The following REEP5 variants were observed in gnomAD, a reference collection of about 807,000 sequenced individuals.
REEP5 encodes receptor accessory protein 5.
A neutral mutation model predicts 22.4 loss-of-function variants in REEP5; 24 were observed. The observed-to-expected ratio is 1.07, with a 90% CI of 0.78 to 1.51. REEP5 has a LOEUF of 1.51. Ranked by LOEUF, REEP5 falls within the 40% of genes most tolerant of loss-of-function variation. The pLI, the probability that REEP5 is intolerant of heterozygous loss-of-function variation, is 0.00. For synonymous variants in REEP5, 103 were observed against 88.6 expected, an observed-to-expected ratio of 1.16 and a Z score of -0.92; for missense variants, 252 against 233.0, an observed-to-expected ratio of 1.08 and a Z score of -0.53.
intron 2 of REEP5, among the ~76,000 whole-genome samples, chr5:112,913,536 TAAAAAAAAAAAAAAAA>T: frequency 1.5e-5 from 1 of 65,470 alleles, no homozygotes; most frequent in South Asian, 6.6e-4. Context: ...TGACCCTGGC[TAAAAAAAAAAAAAAAA>T]AAAAAAAAAA....
intron 2 of REEP5, among the ~76,000 whole-genome samples, chr5:112,915,897 A>AG (rs1561660417): frequency 6.7e-6 from 1 of 149,828 alleles, no homozygotes. Flanking sequence ...AAAAAAAAAA[A>AG]CCCACAAGAA....
chr5:112,903,347 G>A (rs776287781), intron 2 of REEP5, among the ~76,000 whole-genome samples: 35 of 152,098 alleles, frequency 2.3e-4, no homozygotes, highest in Non-Finnish European at 4.7e-4. Context: ...CTATGAAACA[G>A]GTTAACTACT....
chr5:112,882,983 C>T (rs111721283), intron 4 of REEP5, among the ~76,000 whole-genome samples: 10 of 152,302 alleles, frequency 6.6e-5, no homozygotes, highest in Admixed American at 5.2e-4. Flanking sequence ...TCCAGCTCTT[C>T]GACCAATCCC....
intron 2 of REEP5, among the ~76,000 whole-genome samples, chr5:112,909,541 G>A (rs1015356982): frequency 6.6e-6 from 1 of 152,028 alleles, no homozygotes; most frequent in African/African-American, 2.4e-5. Flanking sequence ...TAAGAAGTTA[G>A]CTGAAATCCC....
intron 3 of REEP5, chr5:112,893,283 G>A (rs1288078500): frequency 3.5e-5 from 9 of 254,954 alleles, no homozygotes; most frequent in Admixed American, 1.0e-4. Context: ...GGTGGCAGGC[G>A]TCTGTAATCC....
At chr5:112,904,100 G>C (rs1292753378) in intron 2 of REEP5, among the ~76,000 whole-genome samples, 1 of 152,194 alleles carries the variant, frequency 6.6e-6, no homozygotes, top group Non-Finnish European at 1.5e-5. Flanking sequence ...CCAAAGTGCA[G>C]TCTGGTGGCT....
chr5:112,891,182 C>T (rs1768433694), intron 3 of REEP5, among the ~76,000 whole-genome samples: 1 of 152,012 alleles, frequency 6.6e-6, no homozygotes, highest in African/African-American at 2.4e-5. Flanking sequence ...AAGCAGTTCT[C>T]CTGCCTCAGC....
Position 112,887,187 on chromosome 5 carries a change from C to T in REEP5, c.352-4G>A, listed in dbSNP as rs377043779. ...TGCACCACAACAGGAAGCCACACTG[C>T]ACAGAAAAAGAGCCAGCATGGGTAA... On this transcript the variant is annotated splice_polypyrimidine_tract_variant and splice_region_variant and intron_variant, in intron 3 of 4. Coordinates refer to ENST00000379638, the MANE Select transcript of REEP5 (RefSeq NM_005669.5). The T allele has an allele frequency of 1.3e-6, 2 of 1,577,630 alleles. No homozygotes were observed. The highest frequency in any genetic ancestry group is 2.7e-5 in the African/African-American group (2 of 74,298).
At chr5:112,901,995 C>T (rs1010884301) in intron 3 of REEP5, among the ~76,000 whole-genome samples, 29 of 150,778 alleles carry the variant, frequency 1.9e-4, no homozygotes, top group Admixed American at 1.6e-3. Flanking sequence ...AGGCTAAGAC[C>T]AAAGACAAAA....
chr5:112,901,835 C>T (rs796997992), intron 3 of REEP5, among the ~76,000 whole-genome samples: 87 of 150,592 alleles, frequency 5.8e-4, no homozygotes, highest in African/African-American at 1.9e-3. Context: ...TGGTGGTGGG[C>T]GCCTGTAATC....
At chr5:112,902,800 A>G (rs1253905515) in intron 2 of REEP5, among the ~76,000 whole-genome samples, 1 of 152,174 alleles carries the variant, frequency 6.6e-6, no homozygotes, top group African/African-American at 2.4e-5. Context: ...CACAAGTCCT[A>G]GAATATACCA....
intron 3 of REEP5, chr5:112,897,459 C>A (rs981962491): frequency 2.0e-5 from 3 of 151,752 alleles, no homozygotes; most frequent in Non-Finnish European, 4.4e-5. Flanking sequence ...AGATGTAGAA[C>A]AGAATCTGGC....
chr5:112,891,621 G>C (rs1277779895), intron 3 of REEP5: 29 of 1,584,104 alleles, frequency 1.8e-5, no homozygotes, highest in Non-Finnish European at 2.4e-5. Flanking sequence ...TGTCTGAGGG[G>C]TCAGGCGGTG....
At chr5:112,891,325 G>A (rs780282765) in intron 3 of REEP5, among the ~76,000 whole-genome samples, 11 of 151,814 alleles carry the variant, frequency 7.2e-5, no homozygotes, top group Admixed American at 1.3e-4. Context: ...CGCCCATTTC[G>A]GCCTCCTAAA....
intron 2 of REEP5, among the ~76,000 whole-genome samples, chr5:112,907,349 C>G (rs1768978130): frequency 6.6e-6 from 1 of 152,236 alleles, no homozygotes; most frequent in Admixed American, 6.5e-5. Context: ...CACAGTCTTA[C>G]TGCTCTCTGC....
chr5:112,903,019 G>A (rs1011351598), intron 2 of REEP5, among the ~76,000 whole-genome samples: 1 of 152,146 alleles, frequency 6.6e-6, no homozygotes, highest in Non-Finnish European at 1.5e-5. Context: ...TATAGTAAAC[G>A]GGTGAAAACA....
At chr5:112,887,309 A>G in intron 3 of REEP5, 126 bp from the exon 4 acceptor site, 1 of 877,662 alleles carries the variant, frequency 1.1e-6, no homozygotes, top group East Asian at 3.0e-5. Flanking sequence ...AGGCATTACC[A>G]GTGTTTTCTG....
chr5:112,892,987 A>C, intron 3 of REEP5: 1 of 1,582,696 alleles, frequency 6.3e-7, no homozygotes, highest in Non-Finnish European at 8.6e-7. Context: ...GAGCCACCGC[A>C]GCCGGAGCCA....
chr5:112,914,122 A>G (rs1196365797), intron 2 of REEP5, among the ~76,000 whole-genome samples: 1 of 150,606 alleles, frequency 6.6e-6, no homozygotes, highest in Non-Finnish European at 1.5e-5. Flanking sequence ...AGCCTGGGTG[A>G]CAGAGTGAGA....
Sources: allele counts gnomAD v4.1 joint callset (sites outside exome capture counted in the v4.1 genomes callset), GRCh38; gene constraint gnomAD v4.1.1; transcripts MANE v1.5; gene names NCBI Gene and HGNC (gene_info 2026-07-23, HGNC 2026-07-21).